The following TMEM168 variants were observed in gnomAD, a reference collection of about 807,000 sequenced individuals.
TMEM168 encodes the protein transmembrane protein 168.
TMEM168 carries 40 observed loss-of-function variants against 53.2 expected under a neutral mutation model. The ratio of observed to expected loss-of-function variants is 0.75; its 90% CI spans 0.58 to 0.98. The LOEUF (loss-of-function observed/expected upper bound fraction) is 0.98. Ranked by LOEUF, TMEM168 falls within the 50% of genes least tolerant of loss-of-function variation. TMEM168 has a pLI of 0.00. For missense variants in TMEM168, 771 were observed against 828.8 expected (o/e 0.93, Z 0.86); for synonymous variants, 282 against 293.0 (o/e 0.96, Z 0.38).
At position 112,767,447 on chromosome 7, in the gene TMEM168, A is replaced by G. The variant is rs150800052; in HGVS notation, c.1844T>C (p.Val615Ala). The change falls in exon 5 of 5, where the codon GTA becomes GCA. Residue 615 changes from valine (V) to alanine (A), a missense_variant. By Grantham distance (64) the Val-to-Ala change is moderately conservative (BLOSUM62 0). Coordinates refer to ENST00000312814, the MANE Select transcript of TMEM168 (RefSeq NM_022484.6). Reference protein sequence around the residue: ...WTEKGRTVKAVYGVSKRWSDY... With the variant: ...WTEKGRTVKAAYGVSKRWSDY... The stretch of plus-strand genomic sequence containing the variant: ...ACTCCACCGTTTTGACACACCATAT[A>G]CTGCTTTCACTGTGCGTCCCTTTTC... The G allele has an allele frequency of 1.2e-6, 2 of 1,614,076 alleles. No homozygotes were observed. Among genetic ancestry groups the G allele is most frequent in the Admixed American group, 1.7e-5 (1 of 60,006 alleles).
intron 4 of TMEM168, among the ~76,000 whole-genome samples, chr7:112,772,181 C>CA (rs947769852): frequency 1.3e-5 from 2 of 151,884 alleles, no homozygotes; most frequent in African/African-American, 2.4e-5. Flanking sequence ...TTTTCAAATG[C>CA]AAAAAAATCC....
At chr7:112,785,631 C>T (rs906521218) in intron 1 of TMEM168, among the ~76,000 whole-genome samples, 1 of 152,124 alleles carries the variant, frequency 6.6e-6, no homozygotes. Context: ...CAATTCCTGA[C>T]AAATTCCGAG....
chr7:112,790,028 C>T (rs557995530), intron 1 of TMEM168, 132 bp downstream of exon 1: 1 of 152,330 alleles, frequency 6.6e-6, no homozygotes, highest in Admixed American at 6.5e-5. Flanking sequence ...ACTGTCAACT[C>T]CTCCAGAGGC....
chr7:112,789,915 A>G (rs1428716098), intron 1 of TMEM168, among the ~76,000 whole-genome samples: 2 of 152,174 alleles, frequency 1.3e-5, no homozygotes, highest in African/African-American at 4.8e-5. Flanking sequence ...GTTCTCCACC[A>G]TCCTCTGCCT....
Position 112,783,719 on chromosome 7 carries a change from A to G in TMEM168, c.1107T>C (p.Ile369=), listed in dbSNP as rs1048902989. The part of the protein sequence containing the change: ...LVFFSLLATA[I]LGAVSWQPTN... ...TTACCTGCCAGGAAACTGCTCCCAAAATCGCTGTTGCAAGAAGACTAAAGA... is the reference window on the plus strand; with the variant it reads ...TTACCTGCCAGGAAACTGCTCCCAAGATCGCTGTTGCAAGAAGACTAAAGA... The change falls in exon 2 of 5, where the codon ATT becomes ATC. Residue 369 remains isoleucine, a synonymous_variant. Coordinates refer to ENST00000312814, the MANE Select transcript of TMEM168 (RefSeq NM_022484.6). The G allele has an allele frequency of 6.6e-7, 1 of 1,507,450 alleles. No individual in the cohort carries two copies. Among genetic ancestry groups the G allele is most frequent in the African/African-American group, 1.4e-5 (1 of 70,818 alleles). 93.4% of individuals were successfully genotyped at this position (1,507,450 alleles called of 1,614,324 possible).
At position 112,765,061 on chromosome 7, in the gene TMEM168, C is replaced by T. The variant is rs1030644666; in HGVS notation, c.*2136G>A. 3 of 152,170 alleles carry T rather than the reference C, an allele frequency of 2.0e-5. No individual in the cohort carries two copies. The highest frequency in any genetic ancestry group is 7.2e-5 in the African/African-American group (3 of 41,412). The allele number at this position is 152,170 out of a possible 1,614,324, so 9.4% of individuals were successfully genotyped here. On this transcript the variant is annotated 3_prime_UTR_variant, in exon 5 of 5. Transcript: ENST00000312814. Reference sequence around the variant, plus strand: ...AAACTCCTGGCCTCAAGTGATCCACCCACCTAGGCCTCCCAAAGTGCTGGG... The same window carrying T: ...AAACTCCTGGCCTCAAGTGATCCACTCACCTAGGCCTCCCAAAGTGCTGGG...
In TMEM168 at chr7:112,780,771, G is replaced by A. The variant is rs142184834; in HGVS notation, c.1128+2927C>T. Reference sequence around the variant, plus strand: ...AGACTACAATGTTAAATGATTTTACGAATATGACATTCTGGAAAAGGAAAA... The same window carrying A: ...AGACTACAATGTTAAATGATTTTACAAATATGACATTCTGGAAAAGGAAAA... On this transcript the variant is annotated intron_variant, in intron 2 of 4. Transcript: ENST00000312814. 9.6e-4 allele frequency among the ~76,000 whole-genome samples: 146 copies of A among 152,138 alleles called. 1 individual carries two copies. The highest frequency in any genetic ancestry group is 3.5e-3 in the African/African-American group (145 of 41,494).
At chr7:112,774,708 G>A (rs1793026879) in intron 3 of TMEM168, among the ~76,000 whole-genome samples, 1 of 151,894 alleles carries the variant, frequency 6.6e-6, no homozygotes, top group Non-Finnish European at 1.5e-5. Context: ...AGCCTCCTGA[G>A]TAGCTGGGAT....
In TMEM168 at chr7:112,772,983, G is replaced by C; in HGVS notation, c.1344C>G (p.Leu448=). The C allele has an allele frequency of 1.2e-6, 2 of 1,614,024 alleles. No individual in the cohort carries two copies. The highest frequency in any genetic ancestry group is 1.7e-6 in the Non-Finnish European group (2 of 1,179,926). ...QELNLRSTGM[L]NAIQRFFAYH... ...ATGCAAAAAATCTTTGGATAGCATT[G>C]AGCATGCCAGTAGACCTCAAATTTA... The change falls in exon 4 of 5, where the codon CTC becomes CTG. Residue 448 remains leucine, a synonymous_variant. Coordinates refer to ENST00000312814, the MANE Select transcript of TMEM168 (RefSeq NM_022484.6).
chr7:112,765,822 T>C lies in TMEM168; in HGVS notation c.*1375A>G, dbSNP rs1325503370. On this transcript the variant is annotated 3_prime_UTR_variant, in exon 5 of 5. Coordinates refer to ENST00000312814, the MANE Select transcript of TMEM168 (RefSeq NM_022484.6). Reference sequence around the variant, plus strand: ...GACTATAACAATGCTGCATAGATAGTGGTATACAAGTTCCCTGACTCTAAC... The same window carrying C: ...GACTATAACAATGCTGCATAGATAGCGGTATACAAGTTCCCTGACTCTAAC... 2 of 152,534 alleles carry C rather than the reference T, an allele frequency of 1.3e-5. No homozygotes were observed. The highest frequency in any genetic ancestry group is 6.6e-5 in the Admixed American group (1 of 15,260). 9.4% of individuals were successfully genotyped at this position (152,534 alleles called of 1,614,324 possible).
intron 1 of TMEM168, among the ~76,000 whole-genome samples, chr7:112,789,370 C>T (rs1042600636): frequency 6.6e-6 from 1 of 151,988 alleles, no homozygotes; most frequent in Non-Finnish European, 1.5e-5. Flanking sequence ...AGCAAAAATC[C>T]GGCATCAAGA....
intron 3 of TMEM168, among the ~76,000 whole-genome samples, chr7:112,773,549 TA>T (rs10708228): frequency 0.026 from 3,920 of 152,162 alleles, 109 homozygotes; most frequent in African/African-American, 0.069. Context: ...GGTACATAAA[TA>T]ATAGAAGAAA....
intron 2 of TMEM168, among the ~76,000 whole-genome samples, chr7:112,777,116 A>C (rs1312471164): frequency 6.6e-6 from 1 of 152,080 alleles, no homozygotes; most frequent in Non-Finnish European, 1.5e-5. Context: ...TGACTCTGTG[A>C]CTACCTTAAT....
In TMEM168 at chr7:112,790,308, A is replaced by C. The variant is rs1793514610; in HGVS notation, c.-277T>G. 1 of 152,304 alleles carries C rather than the reference A, an allele frequency of 6.6e-6. No homozygotes were observed. The allele number at this position is 152,304 out of a possible 1,614,324, so 9.4% of individuals were successfully genotyped here. A position where few individuals can be genotyped will look rare whatever the true frequency, so the allele number is the denominator to read the frequency against. ...TTGGGGAACGAGGGCCCGAGGCCAT[A>C]CGCGCTAATACAGGCCAGTGTCGGC... On this transcript the variant is annotated 5_prime_UTR_variant, in exon 1 of 5. Coordinates refer to ENST00000312814, the MANE Select transcript of TMEM168 (RefSeq NM_022484.6).
chr7:112,789,910 C>T lies in TMEM168; in HGVS notation c.-129+250G>A, dbSNP rs767723891. 1.2e-4 allele frequency among the ~76,000 whole-genome samples: 18 copies of T among 152,242 alleles called. 1 individual carries two copies. The highest frequency in any genetic ancestry group is 1.0e-3 in the South Asian group (5 of 4,834). On this transcript the variant is annotated intron_variant, in intron 1 of 4. Transcript: ENST00000312814. Reference sequence around the variant, plus strand: ...GTCCGACAAGGAGCTTGGCTGTTCTCCACCATCCTCTGCCTCGGAGAACGC... The same window carrying T: ...GTCCGACAAGGAGCTTGGCTGTTCTTCACCATCCTCTGCCTCGGAGAACGC...
intron 1 of TMEM168, among the ~76,000 whole-genome samples, 180 bp from the exon 2 acceptor site, chr7:112,785,133 C>G (rs1041220709): frequency 1.3e-5 from 2 of 152,204 alleles, no homozygotes; most frequent in Non-Finnish European, 2.9e-5. Context: ...TTTATCCAGA[C>G]AGACATGGCT....
chr7:112,783,439 G>A (rs1187970342), intron 2 of TMEM168, among the ~76,000 whole-genome samples: 1 of 152,148 alleles, frequency 6.6e-6, no homozygotes, highest in African/African-American at 2.4e-5. Flanking sequence ...TAATCGATGA[G>A]TGTTTCACTA....
chr7:112,784,245 A>G lies in TMEM168; in HGVS notation c.581T>C (p.Leu194Pro). The G allele has an allele frequency of 6.2e-7, 1 of 1,613,882 alleles. No individual in the cohort carries two copies. The highest frequency in any genetic ancestry group is 8.5e-7 in the Non-Finnish European group (1 of 1,179,938). Reference protein sequence around the residue: ...VVALAMLIIDLRMKSFLAIPN... With the variant: ...VVALAMLIIDPRMKSFLAIPN... ...AATAGCTAAGAAAGATTTCATTCTCAGATCAATAATCAGCATAGCCAGAGC... is the reference window on the plus strand; with the variant it reads ...AATAGCTAAGAAAGATTTCATTCTCGGATCAATAATCAGCATAGCCAGAGC... The change falls in exon 2 of 5, where the codon CTG (leucine) becomes CCG (proline). Residue 194 changes from leucine (L) to proline (P), a missense_variant. By Grantham distance (98) the Leu-to-Pro change is moderately conservative. Coordinates refer to ENST00000312814, the MANE Select transcript of TMEM168 (RefSeq NM_022484.6).
At chr7:112,770,730 A>G (rs968385986) in intron 4 of TMEM168, among the ~76,000 whole-genome samples, 1 of 152,200 alleles carries the variant, frequency 6.6e-6, no homozygotes, top group Admixed American at 6.5e-5. Context: ...ATACTTAATG[A>G]ATTTTAAATT....
Sources: allele counts gnomAD v4.1 joint callset (sites outside exome capture counted in the v4.1 genomes callset), GRCh38; gene constraint gnomAD v4.1.1; transcripts MANE v1.5; gene names NCBI Gene and HGNC (gene_info 2026-07-23, HGNC 2026-07-21).